DCDC1: variants seen among roughly 807,000 people sequenced by gnomAD.
The protein encoded by DCDC1 is doublecortin domain containing 1.
Under a neutral mutation model 178.3 loss-of-function variants are expected in DCDC1, and 200 were observed. The observed-to-expected ratio is 1.12, with a 90% CI of 1.00 to 1.26. The LOEUF (loss-of-function observed/expected upper bound fraction) is 1.26. Ranked by LOEUF, DCDC1 falls within the 50% of genes most tolerant of loss-of-function variation. DCDC1 has a pLI of 0.00. For synonymous variants in DCDC1, 690 were observed against 604.8 expected (o/e 1.14, Z -2.07); for missense variants, 1,983 against 1,749.2 (o/e 1.13, Z -2.38).
intron 8 of DCDC1, among the ~76,000 whole-genome samples, chr11:31,259,653 C>T (rs1398818186): frequency 6.6e-6 from 1 of 152,156 alleles, no homozygotes; most frequent in African/African-American, 2.4e-5. Context: ...TGTGCAGCCT[C>T]TTTGAGACAG....
At chr11:30,909,969 A>C (rs1945331986) in intron 28 of DCDC1, among the ~76,000 whole-genome samples, 1 of 152,214 alleles carries the variant, frequency 6.6e-6, no homozygotes, top group Admixed American at 6.5e-5. Context: ...ACCAAGCGAG[A>C]GCTTAATAGC....
intron 20 of DCDC1, among the ~76,000 whole-genome samples, chr11:31,009,464 G>GTT (rs1555007074): frequency 0.013 from 1,925 of 151,866 alleles, 45 homozygotes; most frequent in African/African-American, 0.045. Flanking sequence ...GTGTGTGTGT[G>GTT]TGTGTGTGTA....
chr11:30,917,107 A>C (rs530375277), intron 25 of DCDC1, 79 bp from the exon 26 acceptor site: 10 of 1,360,620 alleles, frequency 7.3e-6, no homozygotes, highest in African/African-American at 4.4e-5. Flanking sequence ...GTGTAGTCTG[A>C]TCATATTCCA....
intron 38 of DCDC1, among the ~76,000 whole-genome samples, chr11:30,873,354 T>TAGAGAGAG (rs1302235772): frequency 1.5e-4 from 21 of 141,204 alleles, no homozygotes; most frequent in African/African-American, 5.3e-4. Flanking sequence ...CATATATATA[T>TAGAGAGAG]ATATATATAT....
chr11:31,287,838 T>C (rs1043410440), intron 7 of DCDC1, among the ~76,000 whole-genome samples: 1 of 150,326 alleles, frequency 6.7e-6, no homozygotes, highest in Non-Finnish European at 1.5e-5. Flanking sequence ...CCCAGGTTGA[T>C]AGTGAAGAGA....
At chr11:30,984,605 A>G (rs1344205702) in intron 20 of DCDC1, among the ~76,000 whole-genome samples, 1 of 152,176 alleles carries the variant, frequency 6.6e-6, no homozygotes, top group Non-Finnish European at 1.5e-5. Context: ...TGGACATTTC[A>G]TATCCTCAAA....
chr11:31,011,735 T>TA (rs1231711886), intron 20 of DCDC1, among the ~76,000 whole-genome samples: 5 of 152,206 alleles, frequency 3.3e-5, no homozygotes, highest in East Asian at 3.8e-4. Context: ...GAGAAACTCT[T>TA]ACACTCACAC....
intron 3 of DCDC1, among the ~76,000 whole-genome samples, chr11:31,314,137 G>A (rs1948926248): frequency 6.6e-6 from 1 of 152,032 alleles, no homozygotes; most frequent in African/African-American, 2.4e-5. Context: ...ATATCTCATT[G>A]GTTATTTCCT....
At chr11:31,312,919 G>C (rs1565595918) in intron 3 of DCDC1, 1 of 152,120 alleles carries the variant, frequency 6.6e-6, no homozygotes, top group Non-Finnish European at 1.5e-5. Flanking sequence ...CACTTTGGGA[G>C]GCTGAGGTGG....
chr11:31,104,561 A>G (rs558033300), intron 13 of DCDC1, among the ~76,000 whole-genome samples: 1 of 152,278 alleles, frequency 6.6e-6, no homozygotes, highest in South Asian at 2.1e-4. Flanking sequence ...AATAACTAAT[A>G]TAATACAAGG....
At chr11:31,090,224 T>C (rs1957732722) in intron 17 of DCDC1, among the ~76,000 whole-genome samples, 1 of 152,204 alleles carries the variant, frequency 6.6e-6, no homozygotes, top group Non-Finnish European at 1.5e-5. Context: ...CCCATCTGCC[T>C]GATTTTTTCA....
chr11:31,246,074 A>G (rs7107847), intron 8 of DCDC1, among the ~76,000 whole-genome samples: 39,952 of 151,836 alleles, frequency 0.26, 5,421 homozygotes, highest in African/African-American at 0.32. Context: ...GCAACATCCT[A>G]CATTGAAAGG....
In DCDC1 at chr11:31,305,792, G is replaced by A. The variant is rs770703047; in HGVS notation, c.592-15C>T. On this transcript the variant is annotated splice_polypyrimidine_tract_variant and intron_variant, in intron 5 of 38. Transcript: ENST00000684477. The stretch of plus-strand genomic sequence containing the variant: ...TCCTCCAGCAGCTAGAAGAAAGCAA[G>A]AGGTAAGTCAAAGTGATTTACTACA... 1 of 1,610,538 alleles carries A rather than the reference G, an allele frequency of 6.2e-7. No individual in the cohort carries two copies. The highest frequency in any genetic ancestry group is 2.2e-5 in the East Asian group (1 of 44,812).
At chr11:31,288,199 A>C (rs1223420764) in intron 7 of DCDC1, among the ~76,000 whole-genome samples, 1 of 151,918 alleles carries the variant, frequency 6.6e-6, no homozygotes, top group African/African-American at 2.4e-5. Flanking sequence ...TATCCATATC[A>C]GCTATATTTC....
intron 3 of DCDC1, among the ~76,000 whole-genome samples, chr11:31,314,011 AACAG>A (rs1361321416): frequency 4.6e-5 from 7 of 152,262 alleles, no homozygotes; most frequent in African/African-American, 9.6e-5. Flanking sequence ...CTCACATATA[AACAG>A]ACAAAGTAGT....
Position 30,906,580 on chromosome 11 carries a change from G to A in DCDC1, c.4064C>T (p.Pro1355Leu), listed in dbSNP as rs757909153. The A allele has an allele frequency of 1.2e-6, 2 of 1,613,144 alleles. No homozygotes were observed. The highest frequency in any genetic ancestry group is 2.2e-5 in the South Asian group (2 of 90,936). The change falls in exon 30 of 39, where the codon CCC becomes CTC. Residue 1355 changes from proline to leucine, a missense_variant. Pro to Leu is a moderately conservative substitution (Grantham distance 98, BLOSUM62 -3). Transcript: ENST00000684477. ...LCISGTKTQK[P>L]FLQGPFKVIS... ...GACCTTGAAGGGCCCTTGTAAGAAG[G>A]GCTTCTGAGTCTTGGTGCCTGAAAT...
chr11:31,187,334 C>T (rs1360359306), intron 9 of DCDC1, among the ~76,000 whole-genome samples: 1 of 152,014 alleles, frequency 6.6e-6, no homozygotes, highest in Non-Finnish European at 1.5e-5. Context: ...TGCTATGTTG[C>T]CAAGGCCTAG....
At chr11:31,084,769 G>A (rs1290889788) in intron 17 of DCDC1, among the ~76,000 whole-genome samples, 1 of 151,280 alleles carries the variant, frequency 6.6e-6, no homozygotes, top group Non-Finnish European at 1.5e-5. Flanking sequence ...CTCTTTTCTT[G>A]CCCAAGCTTT....
intron 9 of DCDC1, among the ~76,000 whole-genome samples, chr11:31,185,343 G>T (rs557805967): frequency 6.6e-6 from 1 of 152,060 alleles, no homozygotes; most frequent in Non-Finnish European, 1.5e-5. Flanking sequence ...AACCACGATG[G>T]CACGTGTATA....
Sources: allele counts gnomAD v4.1 joint callset (sites outside exome capture counted in the v4.1 genomes callset), GRCh38; gene constraint gnomAD v4.1.1; transcripts MANE v1.5; gene names NCBI Gene and HGNC (gene_info 2026-07-23, HGNC 2026-07-21).